The following DIP2B variants were observed in gnomAD, a reference collection of about 807,000 sequenced individuals.
The protein encoded by DIP2B is disco-interacting protein 2 homolog B.
Under a neutral mutation model 198.0 loss-of-function variants are expected in DIP2B, and 76 were observed. That is an observed-to-expected ratio of 0.38 (90% CI 0.32 to 0.46). DIP2B has a LOEUF of 0.46. Ranked by LOEUF, DIP2B falls within the 20% of genes least tolerant of loss-of-function variation. DIP2B has a pLI of 0.99. For synonymous variants in DIP2B, 701 were observed against 739.1 expected, an observed-to-expected ratio of 0.95 and a Z score of 0.84; for missense variants, 1,559 against 1,978.4, an observed-to-expected ratio of 0.79 and a Z score of 4.02.
intron 1 of DIP2B, among the ~76,000 whole-genome samples, chr12:50,540,600 G>T (rs1346844198): frequency 6.8e-6 from 1 of 146,742 alleles, no homozygotes; most frequent in Non-Finnish European, 1.5e-5. Context: ...CCAGGCTGGA[G>T]TGCAGTGGTG....
chr12:50,717,963 G>T (rs543019502), intron 23 of DIP2B, among the ~76,000 whole-genome samples: 1 of 123,302 alleles, frequency 8.1e-6, no homozygotes, highest in African/African-American at 3.1e-5. Flanking sequence ...GCAGTGGCAC[G>T]ATTTCGGCTC....
intron 13 of DIP2B, 24 bp downstream of exon 13, chr12:50,691,175 C>A: frequency 6.3e-7 from 1 of 1,598,250 alleles, no homozygotes; most frequent in South Asian, 1.1e-5. Context: ...CCATGACTGC[C>A]CTCATTGTTA....
chr12:50,650,191 C>T (rs942631671), intron 3 of DIP2B, among the ~76,000 whole-genome samples: 6 of 151,342 alleles, frequency 4.0e-5, no homozygotes, highest in African/African-American at 1.5e-4. Context: ...GCCTGGGCAA[C>T]AAGAGTGAAA....
At chr12:50,535,834 G>T (rs1176262169) in intron 1 of DIP2B, among the ~76,000 whole-genome samples, 4 of 150,342 alleles carry the variant, frequency 2.7e-5, no homozygotes, top group Non-Finnish European at 1.5e-5. Context: ...ATCTCCTAAA[G>T]CTATGCCTCC....
intron 1 of DIP2B, among the ~76,000 whole-genome samples, chr12:50,567,700 G>C (rs1958578085): frequency 6.6e-6 from 1 of 152,020 alleles, no homozygotes; most frequent in Non-Finnish European, 1.5e-5. Flanking sequence ...GCTAATTTTT[G>C]TAGTTTTAGT....
At chr12:50,724,957 A>T in intron 28 of DIP2B, 71 bp downstream of exon 28, 1 of 1,466,682 alleles carries the variant, frequency 6.8e-7, no homozygotes, top group Non-Finnish European at 9.5e-7. Context: ...CTCCATTCTC[A>T]TGCCAGACGT....
At chr12:50,653,694 CTCTTT>C (rs1269096572) in intron 3 of DIP2B, among the ~76,000 whole-genome samples, 3 of 151,844 alleles carry the variant, frequency 2.0e-5, no homozygotes, top group Admixed American at 6.6e-5. Context: ...GTAATGTCTC[CTCTTT>C]TATTTCTTAT....
In DIP2B at chr12:50,743,846, G is replaced by A. The variant is rs568020283; in HGVS notation, c.4479-741G>A. Among the ~76,000 whole-genome samples, 42 of 152,306 alleles carry A rather than the reference G, an allele frequency of 2.8e-4. No individual in the cohort carries two copies. In the South Asian group the frequency reaches 8.7e-3, roughly 32 times the overall value. On this transcript the variant is annotated intron_variant, in intron 37 of 37. Transcript: ENST00000301180. ...CAGGAAAGGTAGAAACAAGGGAATG[G>A]TAAGGCCATCAGGAATCACTGTCGC...
At chr12:50,712,802 G>T (rs972905084) in intron 22 of DIP2B, among the ~76,000 whole-genome samples, 1 of 152,106 alleles carries the variant, frequency 6.6e-6, no homozygotes. Context: ...CAGCTACTCC[G>T]GAGACTGAGG....
At chr12:50,723,464 C>T (rs1939878143) in intron 27 of DIP2B, 141 bp downstream of exon 27, 6 of 1,178,500 alleles carry the variant, frequency 5.1e-6, no homozygotes, top group Admixed American at 5.0e-5. Context: ...TTTGTTAATC[C>T]AGCCAAAGCA....
intron 3 of DIP2B, among the ~76,000 whole-genome samples, 181 bp from the exon 4 acceptor site, chr12:50,660,013 T>G (rs912758254): frequency 5.9e-5 from 9 of 152,186 alleles, no homozygotes; most frequent in African/African-American, 2.2e-4. Context: ...TGGCTTCTTT[T>G]ATTTTTGTTT....
At chr12:50,612,712 A>G (rs535519119) in intron 1 of DIP2B, among the ~76,000 whole-genome samples, 5 of 152,332 alleles carry the variant, frequency 3.3e-5, no homozygotes, top group Non-Finnish European at 5.9e-5. Flanking sequence ...TACAGGCGTG[A>G]GCCACCACAC....
intron 22 of DIP2B, 21 bp from the exon 23 acceptor site, chr12:50,714,374 T>A: frequency 6.2e-7 from 1 of 1,613,984 alleles, no homozygotes; most frequent in Non-Finnish European, 8.5e-7. Context: ...TCACTGAGTA[T>A]TTTTGTTTGT....
In DIP2B at chr12:50,547,002, G is replaced by A. The variant is rs1017292593; in HGVS notation, c.100+41762G>A. ...TCTGAAACTGCTTACTCGGAGGTTC[G>A]GTTCACCTTACCTCCTTATTTTTAC... On this transcript the variant is annotated intron_variant, in intron 1 of 37. Transcript: ENST00000301180. Among the ~76,000 whole-genome samples, 5 of 152,050 alleles carry A rather than the reference G, an allele frequency of 3.3e-5. No homozygotes were observed. The East Asian group carries it at 7.7e-4, about 23-fold the overall frequency.
intron 1 of DIP2B, among the ~76,000 whole-genome samples, chr12:50,607,942 C>T (rs1002065744): frequency 1.8e-4 from 27 of 152,046 alleles, no homozygotes; most frequent in African/African-American, 6.0e-4. Context: ...TGCAGGTGTG[C>T]GCCACTACGC....
At chr12:50,558,403 A>AT (rs937392126) in intron 1 of DIP2B, among the ~76,000 whole-genome samples, 11 of 152,220 alleles carry the variant, frequency 7.2e-5, no homozygotes, top group African/African-American at 2.7e-4. Flanking sequence ...GCCAGGGGTA[A>AT]TAATTGAGAA....
intron 1 of DIP2B, among the ~76,000 whole-genome samples, chr12:50,562,462 C>T (rs149195663): frequency 1.1e-4 from 16 of 151,936 alleles, no homozygotes; most frequent in South Asian, 1.0e-3. Context: ...TAGTCGGGCA[C>T]GGTGGCTCAT....
intron 1 of DIP2B, among the ~76,000 whole-genome samples, chr12:50,573,056 C>T (rs943623680): frequency 5.9e-5 from 9 of 152,234 alleles, no homozygotes; most frequent in Non-Finnish European, 1.5e-5. Flanking sequence ...AGAAATAAAG[C>T]CGCAGAGGGT....
Position 50,746,620 on chromosome 12 carries a change from GCATTTTC to G in DIP2B, c.*1782_*1788del. On this transcript the variant is annotated 3_prime_UTR_variant, in exon 38 of 38. Transcript: ENST00000301180. ...TTGCCAGTTCCAGATCTCTTTTTCA[GCATTTTC>G]ATGGAATTAATTTACACGTAATGAG... 2 of 152,208 alleles carry G rather than the reference GCATTTTC, an allele frequency of 1.3e-5. No homozygotes were observed. Among genetic ancestry groups the G allele is most frequent in the South Asian group, 4.1e-4 (2 of 4,828 alleles). 9.4% of individuals were successfully genotyped at this position (152,208 alleles called of 1,614,324 possible). A position where few individuals can be genotyped will look rare whatever the true frequency, so the allele number is the denominator to read the frequency against.
Sources: allele counts gnomAD v4.1 joint callset (sites outside exome capture counted in the v4.1 genomes callset), GRCh38; gene constraint gnomAD v4.1.1; transcripts MANE v1.5; gene names NCBI Gene and HGNC (gene_info 2026-07-23, HGNC 2026-07-21).